Variants in SLMAP observed in about 807,000 individuals in gnomAD.
SLMAP encodes sarcolemma associated protein, also known as sarcolemmal membrane-associated protein.
SLMAP carries 44 observed loss-of-function variants against 128.8 expected under a neutral mutation model. That is an observed-to-expected ratio of 0.34 (90% CI 0.27 to 0.44). The LOEUF (loss-of-function observed/expected upper bound fraction) is 0.44, where lower values mean the gene tolerates loss of function less well. Ranked by LOEUF, SLMAP falls within the 20% of genes least tolerant of loss-of-function variation. SLMAP has a pLI of 1.00. For synonymous variants in SLMAP, 327 were observed against 348.8 expected (o/e 0.94, Z 0.70); for missense variants, 787 against 985.3 (o/e 0.80, Z 2.69).
intron 2 of SLMAP, among the ~76,000 whole-genome samples, chr3:57,763,573 C>T (rs1217228216): frequency 1.3e-5 from 2 of 152,096 alleles, no homozygotes; most frequent in African/African-American, 4.8e-5. Context: ...CCGCGCCCGG[C>T]CTAGTGCATC....
chr3:57,762,075 G>T (rs2078775712), intron 2 of SLMAP, among the ~76,000 whole-genome samples: 1 of 140,944 alleles, frequency 7.1e-6, no homozygotes, highest in South Asian at 2.3e-4. Context: ...AAAAAAAAAA[G>T]TTGGAAGAAA....
chr3:57,845,338 G>A (rs1056366017), intron 4 of SLMAP, among the ~76,000 whole-genome samples: 5 of 152,206 alleles, frequency 3.3e-5, no homozygotes, highest in African/African-American at 9.6e-5. Flanking sequence ...TGTATCATGG[G>A]TGCTCAGAAG....
intron 13 of SLMAP, among the ~76,000 whole-genome samples, chr3:57,871,394 G>A (rs542736055): frequency 9.9e-5 from 15 of 152,128 alleles, no homozygotes; most frequent in Non-Finnish European, 2.1e-4. Context: ...ATATTTATGT[G>A]ATTTTCTTGA....
chr3:57,757,907 C>G (rs1014928090), intron 2 of SLMAP, 58 bp downstream of exon 2: 11 of 1,503,910 alleles, frequency 7.3e-6, no homozygotes, highest in African/African-American at 5.5e-5. Flanking sequence ...CCCCTTTTGC[C>G]CTCCCTGAGA....
intron 17 of SLMAP, chr3:57,898,383 A>C (rs533808194): frequency 6.6e-6 from 1 of 152,174 alleles, no homozygotes; most frequent in Non-Finnish European, 1.5e-5. Context: ...TAATGAACAC[A>C]CCCATACAAA....
chr3:57,840,216 A>G (rs2093864908), intron 3 of SLMAP, among the ~76,000 whole-genome samples: 1 of 152,172 alleles, frequency 6.6e-6, no homozygotes, highest in African/African-American at 2.4e-5. Flanking sequence ...GGCCTCCCAA[A>G]GTACCGGGAT....
chr3:57,923,785 C>G (rs1400002152), intron 23 of SLMAP, among the ~76,000 whole-genome samples: 1 of 152,154 alleles, frequency 6.6e-6, no homozygotes, highest in African/African-American at 2.4e-5. Context: ...GCTTACCTTG[C>G]AGCACAAGTA....
At chr3:57,775,509 CAAAAAAAAAAAAAA>C (rs1009755128) in intron 2 of SLMAP, among the ~76,000 whole-genome samples, 1 of 21,180 alleles carries the variant, frequency 4.7e-5, no homozygotes, top group Non-Finnish European at 1.4e-4. Context: ...CCTGTTGGTA[CAAAAAAAAAAAAAA>C]AAAAAAAAAA....
chr3:57,824,372 A>G (rs975271014), intron 2 of SLMAP, among the ~76,000 whole-genome samples: 14 of 152,202 alleles, frequency 9.2e-5, no homozygotes, highest in Non-Finnish European at 1.6e-4. Context: ...ATAATGGCCG[A>G]AAAGTATTTT....
At chr3:57,810,061 G>A (rs1265117777) in intron 2 of SLMAP, among the ~76,000 whole-genome samples, 1 of 152,152 alleles carries the variant, frequency 6.6e-6, no homozygotes, top group African/African-American at 2.4e-5. Context: ...CCCAAGCCAG[G>A]GCTGTGACTC....
At chr3:57,764,275 G>A (rs1456517058) in intron 2 of SLMAP, among the ~76,000 whole-genome samples, 1 of 152,098 alleles carries the variant, frequency 6.6e-6, no homozygotes, top group Non-Finnish European at 1.5e-5. Flanking sequence ...GCCGAGATGG[G>A]TGGATCACCT....
chr3:57,852,044 GGGA>G (rs2094525514), intron 6 of SLMAP, among the ~76,000 whole-genome samples: 3 of 152,104 alleles, frequency 2.0e-5, no homozygotes, highest in African/African-American at 4.8e-5. Flanking sequence ...CTGAGTAGCT[GGGA>G]CTACAGGCAT....
At chr3:57,899,899 T>C (rs527481792) in intron 17 of SLMAP, 2 of 152,316 alleles carry the variant, frequency 1.3e-5, no homozygotes, top group East Asian at 3.9e-4. Context: ...GTCATTATTA[T>C]TTTTCTTTTG....
intron 2 of SLMAP, among the ~76,000 whole-genome samples, chr3:57,812,315 T>A (rs1181980096): frequency 6.6e-6 from 1 of 152,208 alleles, no homozygotes; most frequent in African/African-American, 2.4e-5. Flanking sequence ...CTAGCACCAT[T>A]TGTTGAAAAG....
intron 19 of SLMAP, among the ~76,000 whole-genome samples, chr3:57,911,298 T>C (rs995798467): frequency 1.3e-5 from 2 of 152,202 alleles, no homozygotes; most frequent in African/African-American, 4.8e-5. Flanking sequence ...CAGTCCTTCC[T>C]ACAAACTTAG....
chr3:57,913,228 T>C lies in SLMAP; in HGVS notation c.2091T>C (p.Asn697=). The change falls in exon 21 of 25, where the codon AAT becomes AAC. Residue 697 remains asparagine (N), a synonymous_variant. Transcript: ENST00000671191. ...ETECHSLKRE[N]VLLSSELQRQ... ...AATGCCATTCTCTAAAAAGGGAAAA[T>C]GTTTTGCTATCATCAGAACTGCAAC... 1.9e-6 allele frequency: 3 copies of C among 1,599,384 alleles called. No individual in the cohort carries two copies. Among genetic ancestry groups the C allele is most frequent in the Non-Finnish European group, 2.6e-6 (3 of 1,169,636 alleles).
intron 15 of SLMAP, among the ~76,000 whole-genome samples, chr3:57,892,281 G>T (rs574146658): frequency 1.3e-5 from 2 of 152,266 alleles, no homozygotes; most frequent in South Asian, 4.1e-4. Flanking sequence ...AATAGCAGTT[G>T]CCATAAATGA....
intron 2 of SLMAP, among the ~76,000 whole-genome samples, chr3:57,795,541 A>G (rs2086529776): frequency 6.6e-6 from 1 of 152,218 alleles, no homozygotes; most frequent in African/African-American, 2.4e-5. Context: ...TGCGTCTCAG[A>G]AAAAGAAAAA....
At chr3:57,785,894 A>G (rs961653669) in intron 2 of SLMAP, among the ~76,000 whole-genome samples, 1 of 152,172 alleles carries the variant, frequency 6.6e-6, no homozygotes, top group African/African-American at 2.4e-5. Flanking sequence ...AGCTACATTT[A>G]TTGGAAAATA....
Sources: allele counts gnomAD v4.1 joint callset (sites outside exome capture counted in the v4.1 genomes callset), GRCh38; gene constraint gnomAD v4.1.1; transcripts MANE v1.5; gene names NCBI Gene and HGNC (gene_info 2026-07-23, HGNC 2026-07-21).